Variants in APOO observed in about 807,000 individuals in gnomAD.
APOO encodes the protein MICOS complex subunit MIC26.
A neutral mutation model predicts 23.1 loss-of-function variants in APOO; 11 were observed. The observed-to-expected ratio is 0.48, with a 90% CI of 0.30 to 0.79. APOO has a LOEUF of 0.79. APOO is among the 30% of genes least tolerant of loss of function. The pLI, the probability that APOO is intolerant of heterozygous loss-of-function variation, is 0.07. For missense variants in APOO, 160 were observed against 142.7 expected (o/e 1.12, Z -0.62); for synonymous variants, 59 against 54.8 (o/e 1.08, Z -0.34).
chrX:23,907,069 T>G (rs944796803), intron 1 of APOO, among the ~76,000 whole-genome samples: 2 of 112,534 alleles, frequency 1.8e-5, no homozygotes, highest in African/African-American at 6.5e-5. Flanking sequence ...AATGGCTTTA[T>G]GCTAAAGTGC....
At chrX:23,873,183 T>A (rs184467433) in intron 4 of APOO, among the ~76,000 whole-genome samples, 1 of 112,001 alleles carries the variant, frequency 8.9e-6, no homozygotes, top group Non-Finnish European at 1.9e-5. Context: ...TCATTAACCA[T>A]CCTCACTCCA....
chrX:23,852,165 C>A (rs181856823), intron 7 of APOO, among the ~76,000 whole-genome samples: 2 of 110,886 alleles, frequency 1.8e-5, no homozygotes, highest in East Asian at 5.7e-4. Context: ...CTCAAGTGAT[C>A]CACCCGTCTC....
chrX:23,886,479 AT>A (rs1366452266), intron 1 of APOO, among the ~76,000 whole-genome samples: 6 of 111,724 alleles, frequency 5.4e-5, no homozygotes, highest in Non-Finnish European at 1.1e-4. Context: ...CTCTATGTAA[AT>A]TAGACTTTTT....
intron 1 of APOO, among the ~76,000 whole-genome samples, chrX:23,901,154 T>C (rs991173926): frequency 8.9e-6 from 1 of 112,017 alleles, no homozygotes; most frequent in East Asian, 2.8e-4. Context: ...CCACAAAGAA[T>C]GTGTGAGGTA....
rs763312352 is a variant in APOO at position 23,892,313 on chromosome X, G to A, written c.10-11361C>T. On this transcript the variant is annotated intron_variant, in intron 1 of 8. Coordinates refer to ENST00000379226, the MANE Select transcript of APOO (RefSeq NM_024122.5). ...GTCGCCCAGCCTGGAGTGCAGTGGC[G>A]CGATCTCCACTCACTGCAACCTCCG... Among the ~76,000 whole-genome samples, 18 of 101,022 alleles carry A rather than the reference G, an allele frequency of 1.8e-4. No individual in the cohort carries two copies. The South Asian group carries it at 6.5e-3, about 36-fold the overall frequency. 87.7% of individuals were successfully genotyped at this position (101,022 alleles called of 115,157 possible).
rs766170230 is a variant in APOO, at chrX:23,903,973, T to C, written c.9+3721A>G. ...TGATAGTCAAGCTTATCAACCATCA[T>C]AGTGTCCACTTACTTGGCCCTCAGT... On this transcript the variant is annotated intron_variant, in intron 1 of 8. Coordinates refer to ENST00000379226, the MANE Select transcript of APOO (RefSeq NM_024122.5). Among the ~76,000 whole-genome samples the C allele has an allele frequency of 8.1e-5, 9 of 111,363 alleles. No individual in the cohort carries two copies. The Admixed American group carries it at 8.6e-4, about 11-fold the overall frequency.
In APOO at chrX:23,906,519, G is replaced by C. The variant is rs376839603; in HGVS notation, c.9+1175C>G. 1.1e-4 allele frequency among the ~76,000 whole-genome samples: 12 copies of C among 112,441 alleles called. No homozygotes were observed. The East Asian group carries it at 3.1e-3, about 29-fold the overall frequency. ...TTACTACACTGTTGGTACACATATA[G>C]TTAAACTGGCCACAGCATATCTTTC... On this transcript the variant is annotated intron_variant, in intron 1 of 8. Transcript: ENST00000379226.
Position 23,900,397 on chromosome X carries a change from G to A in APOO, c.9+7297C>T, listed in dbSNP as rs914227411. On this transcript the variant is annotated intron_variant, in intron 1 of 8. Transcript: ENST00000379226. ...GAGATTAAGAAATCTCAACTGGCCC[G>A]GCATGGTGACTCATGCCTGTAATCC... Among the ~76,000 whole-genome samples the A allele has an allele frequency of 2.7e-5, 3 of 111,356 alleles. No individual in the cohort carries two copies. In the Admixed American group the frequency reaches 2.9e-4, roughly 11 times the overall value.
chrX:23,900,928 C>G (rs370870482), intron 1 of APOO, among the ~76,000 whole-genome samples: 1 of 111,693 alleles, frequency 9.0e-6, no homozygotes, highest in South Asian at 3.7e-4. Flanking sequence ...CTTGAAGATG[C>G]TTAAACTGTT....
intron 7 of APOO, among the ~76,000 whole-genome samples, chrX:23,847,070 T>C (rs1924278470): frequency 9.0e-6 from 1 of 110,915 alleles, no homozygotes; most frequent in African/African-American, 3.3e-5. Context: ...AAGAAGCCAA[T>C]AAACCTGTGA....
chrX:23,889,788 G>GA (rs759030902), intron 1 of APOO, among the ~76,000 whole-genome samples: 129 of 107,203 alleles, frequency 1.2e-3, no homozygotes, highest in Middle Eastern at 4.9e-3. Flanking sequence ...TCAGCCTCCT[G>GA]GTAGCTGGGA....
chrX:23,887,319 C>T (rs747685048), intron 1 of APOO, among the ~76,000 whole-genome samples: 1 of 99,700 alleles, frequency 1.0e-5, no homozygotes, highest in East Asian at 3.4e-4. Context: ...CTGCAACCTC[C>T]GCCTCCTGGG....
intron 5 of APOO, among the ~76,000 whole-genome samples, chrX:23,866,456 C>T (rs1322145264): frequency 9.0e-6 from 1 of 111,554 alleles, no homozygotes; most frequent in East Asian, 2.8e-4. Flanking sequence ...AGGGCAGTGT[C>T]TACCCTCCAG....
chrX:23,890,286 C>G (rs1352075544), intron 1 of APOO, among the ~76,000 whole-genome samples: 1 of 111,522 alleles, frequency 9.0e-6, no homozygotes, highest in Admixed American at 9.6e-5. Flanking sequence ...ACAACAAATA[C>G]CCTCCACCCC....
intron 3 of APOO, among the ~76,000 whole-genome samples, chrX:23,874,846 T>A (rs772675256): frequency 4.6e-4 from 52 of 112,494 alleles, no homozygotes; most frequent in African/African-American, 1.4e-3. Context: ...TGCCATTAAT[T>A]AGAGCCTACA....
chrX:23,849,437 G>A (rs942277114), intron 7 of APOO, among the ~76,000 whole-genome samples: 13 of 108,190 alleles, frequency 1.2e-4, no homozygotes, highest in African/African-American at 3.7e-4. Flanking sequence ...CAGAGAACAC[G>A]TTAAACTATA....
At chrX:23,904,407 G>A (rs933532740) in intron 1 of APOO, among the ~76,000 whole-genome samples, 1 of 110,421 alleles carries the variant, frequency 9.1e-6, no homozygotes, top group African/African-American at 3.3e-5. Flanking sequence ...TCTAGAGAAT[G>A]AGAAAGTGTG....
Position 23,907,764 on chromosome X carries a change from G to T in APOO, c.-62C>A. Reference sequence around the variant, plus strand: ...GCCTCGGCCACGCCCACTATAGAGAGGTGACTACGGAGGCCCGGTAGGGCC... The same window carrying T: ...GCCTCGGCCACGCCCACTATAGAGATGTGACTACGGAGGCCCGGTAGGGCC... On this transcript the variant is annotated 5_prime_UTR_variant, in exon 1 of 9. Coordinates refer to ENST00000379226, the MANE Select transcript of APOO (RefSeq NM_024122.5). The T allele has an allele frequency of 8.9e-7, 1 of 1,124,110 alleles. No homozygotes were observed. The highest frequency in any genetic ancestry group is 1.8e-5 in the African/African-American group (1 of 54,932). The allele number at this position is 1,124,110 out of a possible 1,213,427, so 92.6% of individuals were successfully genotyped here.
intron 1 of APOO, among the ~76,000 whole-genome samples, chrX:23,892,444 A>G (rs1195791921): frequency 1.8e-5 from 2 of 109,521 alleles, no homozygotes; most frequent in Non-Finnish European, 3.8e-5. Context: ...TAGTAGAGAC[A>G]GGGTTTCACC....
Sources: gnomAD v4.1 joint callset for allele counts (sites outside exome capture counted in the v4.1 genomes callset) on GRCh38, gnomAD v4.1.1 for gene constraint, MANE v1.5 for transcripts, NCBI Gene and HGNC (gene_info 2026-07-23, HGNC 2026-07-21) for gene names.